Variants in LOC128462377 observed in about 807,000 individuals in gnomAD.
chr16:89,336,373 C>G, the LOC128462377 span, among the ~76,000 whole-genome samples: 15 of 152,264 alleles, frequency 9.9e-5, no homozygotes. Flanking sequence ...TGTGCGTCCA[C>G]AGACAGCACA....
At chr16:89,403,997 G>A in the LOC128462377 span, among the ~76,000 whole-genome samples, 11 of 152,178 alleles carry the variant, frequency 7.2e-5, no homozygotes, top group Admixed American at 7.2e-4. Context: ...ACTAAAATAG[G>A]GTGAAAGAAT....
chr16:89,341,246 C>G, the LOC128462377 span, among the ~76,000 whole-genome samples: 9 of 152,300 alleles, frequency 5.9e-5, no homozygotes, highest in African/African-American at 2.2e-4. Context: ...CAAGCAGACC[C>G]GGTTTGGAAA....
the LOC128462377 span, among the ~76,000 whole-genome samples, chr16:89,318,452 C>T: frequency 6.6e-6 from 1 of 152,264 alleles, no homozygotes; most frequent in Non-Finnish European, 1.5e-5. Flanking sequence ...GCCACAGCAG[C>T]ACCTCTGTGC....
chr16:89,317,284 G>A, the LOC128462377 span, among the ~76,000 whole-genome samples: 2 of 152,236 alleles, frequency 1.3e-5, no homozygotes, highest in Non-Finnish European at 1.5e-5. Flanking sequence ...GCAGCTTTGA[G>A]CAGGAAGGAG....
At chr16:89,380,348 G>T in the LOC128462377 span, among the ~76,000 whole-genome samples, 1 of 152,146 alleles carries the variant, frequency 6.6e-6, no homozygotes, top group African/African-American at 2.4e-5. Flanking sequence ...CTGACCTCAG[G>T]TGATCCACCC....
the LOC128462377 span, chr16:89,323,933 T>C: frequency 4.6e-6 from 1 of 218,984 alleles, no homozygotes; most frequent in South Asian, 6.0e-5. Flanking sequence ...AGAATCTCTT[T>C]GCTACGGTTT....
the LOC128462377 span, among the ~76,000 whole-genome samples, chr16:89,336,065 A>T: frequency 3.3e-5 from 5 of 152,216 alleles, no homozygotes; most frequent in Middle Eastern, 3.4e-3. Flanking sequence ...TATTCCTGCC[A>T]GTTGGTTTGA....
At chr16:89,346,765 C>T in the LOC128462377 span, among the ~76,000 whole-genome samples, 1 of 152,106 alleles carries the variant, frequency 6.6e-6, no homozygotes, top group African/African-American at 2.4e-5. Context: ...TTATATTTAT[C>T]GCTAGAAGAC....
chr16:89,344,343 A>C, the LOC128462377 span, among the ~76,000 whole-genome samples: 1 of 152,188 alleles, frequency 6.6e-6, no homozygotes, highest in South Asian at 2.1e-4. Flanking sequence ...AGGAGCTGCA[A>C]CCATCCAAAG....
the LOC128462377 span, among the ~76,000 whole-genome samples, chr16:89,348,137 G>A: frequency 3.3e-5 from 5 of 151,918 alleles, no homozygotes; most frequent in Admixed American, 1.3e-4. Flanking sequence ...TCACCATGTT[G>A]CCCAAGCTGC....
At chr16:89,372,199 C>T in the LOC128462377 span, among the ~76,000 whole-genome samples, 3 of 152,240 alleles carry the variant, frequency 2.0e-5, no homozygotes, top group African/African-American at 4.8e-5. Context: ...CGGCAGCGCA[C>T]GGCAAGATGG....
chr16:89,397,800 C>T, the LOC128462377 span, among the ~76,000 whole-genome samples: 2 of 152,238 alleles, frequency 1.3e-5, no homozygotes, highest in African/African-American at 4.8e-5. Flanking sequence ...CCCTTGGCAG[C>T]AGGCGGTGGC....
At chr16:89,317,618 AG>A in the LOC128462377 span, among the ~76,000 whole-genome samples, 1 of 152,188 alleles carries the variant, frequency 6.6e-6, no homozygotes, top group Non-Finnish European at 1.5e-5. Context: ...TTGGTAGGCA[AG>A]GGGTGTCTCT....
the LOC128462377 span, among the ~76,000 whole-genome samples, chr16:89,406,215 T>G: frequency 2.0e-5 from 3 of 152,054 alleles, no homozygotes; most frequent in Non-Finnish European, 4.4e-5. Flanking sequence ...AGCAAGGGGT[T>G]TGGTGCTGTG....
At chr16:89,402,443 G>A in the LOC128462377 span, among the ~76,000 whole-genome samples, 1 of 152,110 alleles carries the variant, frequency 6.6e-6, no homozygotes, top group South Asian at 2.1e-4. Context: ...ACATGAGGAA[G>A]CCGAGGCGGG....
the LOC128462377 span, among the ~76,000 whole-genome samples, chr16:89,357,452 A>C: frequency 1.5e-4 from 23 of 152,276 alleles, no homozygotes; most frequent in African/African-American, 4.8e-4. Flanking sequence ...CCAAAAAAAA[A>C]CAGTGTGACG....
the LOC128462377 span, among the ~76,000 whole-genome samples, chr16:89,365,714 G>A: frequency 1.3e-5 from 2 of 151,866 alleles, no homozygotes; most frequent in East Asian, 1.9e-4. Context: ...GAAACCCAAC[G>A]TTTTTTTTAA....
the LOC128462377 span, among the ~76,000 whole-genome samples, chr16:89,415,071 C>A: frequency 6.6e-6 from 1 of 151,810 alleles, no homozygotes; most frequent in South Asian, 2.1e-4. Flanking sequence ...CGCTCAGCCT[C>A]CCCAAGTAGC....
chr16:89,350,744 GATTCC>G, the LOC128462377 span, among the ~76,000 whole-genome samples: 1 of 152,176 alleles, frequency 6.6e-6, no homozygotes, highest in East Asian at 1.9e-4. Flanking sequence ...AGTTCCAACT[GATTCC>G]TTAAAACTCT....
Sources: gnomAD v4.1 joint callset for allele counts (sites outside exome capture counted in the v4.1 genomes callset) on GRCh38, gnomAD v4.1.1 for gene constraint, MANE v1.5 for transcripts.